The following SLC2A4 variants were observed in gnomAD, a reference collection of about 807,000 sequenced individuals.
SLC2A4 encodes the protein solute carrier family 2 member 4, also known as solute carrier family 2, facilitated glucose transporter member 4.
SLC2A4 carries 31 observed loss-of-function variants against 53.3 expected under a neutral mutation model. The observed-to-expected ratio is 0.58, with a 90% CI of 0.44 to 0.78. The LOEUF is 0.78. Among genes scored for constraint, SLC2A4 ranks in the 30% least tolerant of loss-of-function variants. SLC2A4 has a pLI of 0.00. For synonymous variants in SLC2A4, 276 were observed against 281.9 expected (o/e 0.98, Z 0.21); for missense variants, 538 against 655.7 (o/e 0.82, Z 1.96).
rs2072427867 is a variant in SLC2A4 at position 7,284,120 on chromosome 17, G to A, written c.564+31G>A. 3 of 1,611,344 alleles carry A rather than the reference G, an allele frequency of 1.9e-6. No homozygotes were observed. ...CGGAGCAAGCCTCATGGGTGCCTGG[G>A]CAGTGGTTAGAGTGGGGCTCTGGAG... On this transcript the variant is annotated intron_variant, in intron 5 of 10. Coordinates refer to ENST00000317370, the MANE Select transcript of SLC2A4 (RefSeq NM_001042.3). This position sits in a 1 kb window ranked among gnomAD's most constrained non-coding sequence, Gnocchi z 7.5.
At position 7,282,925 on chromosome 17, in the gene SLC2A4, G is replaced by C. The variant is rs2072414770; in HGVS notation, c.34-320G>C. 9.2e-5 allele frequency: 37 copies of C among 403,476 alleles called. 1 individual carries two copies. The highest frequency in any genetic ancestry group is 7.8e-4 in the South Asian group (37 of 47,210). 25.0% of individuals were successfully genotyped at this position (403,476 alleles called of 1,614,324 possible). On this transcript the variant is annotated intron_variant, in intron 1 of 10. Transcript: ENST00000317370. This position sits in a 1 kb window ranked among gnomAD's most constrained non-coding sequence, Gnocchi z 4.1. ...ACACTCAGGTTCGGGGCAGGGAAGT[G>C]ACTTGGCCAAGGTCACACAAATCTG...
At position 7,285,204 on chromosome 17, in the gene SLC2A4, C is replaced by T; in HGVS notation, c.1122+15C>T. On this transcript the variant is annotated intron_variant, in intron 9 of 10. Transcript: ENST00000317370. The surrounding 1 kb of genome is among the most constrained non-coding windows in gnomAD (Gnocchi z 6.0). ...TGCTCCTGCTGGTAAGGCCTGGAGG[C>T]TAGGAGGGGCTAGCAGCCCACCCCA... The T allele has an allele frequency of 6.4e-7, 1 of 1,572,072 alleles. No individual in the cohort carries two copies.
Position 7,286,620 on chromosome 17 carries a change from G to A in SLC2A4, c.1521G>A (p.Glu507=), listed in dbSNP as rs778934464. ...AACTTGAGTATTTAGGGCCAGATGA[G>A]AACGACTGAGGGGCCAGGCAGGGGT... ...STELEYLGPD[E]ND The change falls in exon 11 of 11, where the codon GAG becomes GAA. Residue 507 remains glutamate, a synonymous_variant. Coordinates refer to ENST00000317370, the MANE Select transcript of SLC2A4 (RefSeq NM_001042.3). The A allele has an allele frequency of 1.3e-5, 21 of 1,613,982 alleles. No individual in the cohort carries two copies. The Admixed American group carries it at 2.7e-4, about 20-fold the overall frequency.
Position 7,281,870 on chromosome 17 carries a change from CAG to C in SLC2A4, c.-61_-60del. On this transcript the variant is annotated 5_prime_UTR_variant, in exon 1 of 11. Coordinates refer to ENST00000317370, the MANE Select transcript of SLC2A4 (RefSeq NM_001042.3). ...CAGGTTCTGCGCTCCAGGCCGGAGT[CAG>C]AGACTCCAGGATCGGTTCTTTCATC... 1 of 1,538,144 alleles carries C rather than the reference CAG, an allele frequency of 6.5e-7. No homozygotes were observed. Among genetic ancestry groups the C allele is most frequent in the Non-Finnish European group, 8.8e-7 (1 of 1,130,574 alleles).
rs1207205925 is a variant in SLC2A4 at position 7,282,218 on chromosome 17, C to T, written c.33+251C>T. The T allele has an allele frequency of 3.2e-6, 2 of 623,942 alleles. No homozygotes were observed. Among genetic ancestry groups the T allele is most frequent in the African/African-American group, 1.8e-5 (1 of 55,652 alleles). 38.7% of individuals were successfully genotyped at this position (623,942 alleles called of 1,614,324 possible). A position where few individuals can be genotyped will look rare whatever the true frequency, so the allele number is the denominator to read the frequency against. Reference sequence around the variant, plus strand: ...GGATTCTGCGAGCCAGGGTTCACCCCCTTGCCTAGTAGGCGGCGCGGCGCT... The same window carrying T: ...GGATTCTGCGAGCCAGGGTTCACCCTCTTGCCTAGTAGGCGGCGCGGCGCT... On this transcript the variant is annotated intron_variant, in intron 1 of 10. Transcript: ENST00000317370. This position sits in a 1 kb window ranked among gnomAD's most constrained non-coding sequence, Gnocchi z 4.1.
In SLC2A4 at chr17:7,285,995, C is replaced by A; in HGVS notation, c.1326+87C>A. 7.9e-7 allele frequency: 1 copy of A among 1,264,050 alleles called. No individual in the cohort carries two copies. The highest frequency in any genetic ancestry group is 1.1e-6 in the Non-Finnish European group (1 of 897,726). 78.3% of individuals were successfully genotyped at this position (1,264,050 alleles called of 1,614,324 possible). ...CCACCTGCTTCCCCGTCAGGGACTCCTCCAGCCACAGACCATGGGTCTTTG... is the reference window on the plus strand; with the variant it reads ...CCACCTGCTTCCCCGTCAGGGACTCATCCAGCCACAGACCATGGGTCTTTG... On this transcript the variant is annotated intron_variant, in intron 10 of 10. Coordinates refer to ENST00000317370, the MANE Select transcript of SLC2A4 (RefSeq NM_001042.3). This position sits in a 1 kb window ranked among gnomAD's most constrained non-coding sequence, Gnocchi z 6.0.
chr17:7,284,842 A>G lies in SLC2A4; in HGVS notation c.923A>G (p.Tyr308Cys), dbSNP rs1239308088. ...CTTCTCCCCCACCTCTAGGTTTTCT[A>G]TTATTCGACCAGCATCTTCGAGACA... ...QQLSGINAVF[Y>C]YSTSIFETAG... Residue 308 changes from tyrosine to cysteine, a missense_variant, in exon 8 of 11, where the codon TAT (tyrosine) becomes TGT (cysteine). Transcript: ENST00000317370. The surrounding 1 kb of genome is among the most constrained non-coding windows in gnomAD (Gnocchi z 7.5). 1.9e-6 allele frequency: 3 copies of G among 1,614,088 alleles called. No individual in the cohort carries two copies. Among genetic ancestry groups the G allele is most frequent in the Non-Finnish European group, 8.5e-7 (1 of 1,180,004 alleles).
chr17:7,284,142 G>A lies in SLC2A4; in HGVS notation c.564+53G>A. 3 of 1,610,616 alleles carry A rather than the reference G, an allele frequency of 1.9e-6. No individual in the cohort carries two copies. The highest frequency in any genetic ancestry group is 1.7e-4 in the Middle Eastern group (1 of 6,058). On this transcript the variant is annotated intron_variant, in intron 5 of 10. Coordinates refer to ENST00000317370, the MANE Select transcript of SLC2A4 (RefSeq NM_001042.3). This position sits in a 1 kb window ranked among gnomAD's most constrained non-coding sequence, Gnocchi z 7.5. ...TGGGCAGTGGTTAGAGTGGGGCTCT[G>A]GAGAATATGGTGGGCTTCCAAGGTA...
Position 7,285,132 on chromosome 17 carries a change from G to T in SLC2A4, c.1065G>T (p.Leu355=), listed in dbSNP as rs1226277505. 1 of 1,604,644 alleles carries T rather than the reference G, an allele frequency of 6.2e-7. No individual in the cohort carries two copies. The highest frequency in any genetic ancestry group is 8.5e-7 in the Non-Finnish European group (1 of 1,177,194). The change falls in exon 9 of 11, where the codon CTG becomes CTT. Residue 355 remains leucine (L), a synonymous_variant. Coordinates refer to ENST00000317370, the MANE Select transcript of SLC2A4 (RefSeq NM_001042.3). This position sits in a 1 kb window ranked among gnomAD's most constrained non-coding sequence, Gnocchi z 6.0. The part of the protein sequence containing the change: ...ERAGRRTLHL[L]GLAGMCGCAI... ...CGGGGCGCCGGACGCTCCATCTCCT[G>T]GGCCTGGCGGGCATGTGTGGCTGTG...
rs556550629 is a variant in SLC2A4 at position 7,283,847 on chromosome 17, A to G, written c.433A>G (p.Ile145Val). ...AATGCTCATCCTTGGACGATTCCTCATTGGCGCCTACTCAGGTACTCACGG... is the reference window on the plus strand; with the variant it reads ...AATGCTCATCCTTGGACGATTCCTCGTTGGCGCCTACTCAGGTACTCACGG... ...YEMLILGRFL[I>V]GAYSGLTSGL... The change falls in exon 4 of 11, where the codon ATT becomes GTT. Residue 145 changes from isoleucine (I) to valine (V), a missense_variant. By Grantham distance (29) the Ile-to-Val change is conservative. Transcript: ENST00000317370. This position sits in a 1 kb window ranked among gnomAD's most constrained non-coding sequence, Gnocchi z 5.8. The G allele has an allele frequency of 2.5e-6, 4 of 1,614,076 alleles. No individual in the cohort carries two copies. Among genetic ancestry groups the G allele is most frequent in the Non-Finnish European group, 2.5e-6 (3 of 1,179,996 alleles).
In SLC2A4 at chr17:7,284,158, T is replaced by C. The variant is rs1047889495; in HGVS notation, c.565-59T>C. ...TGGGGCTCTGGAGAATATGGTGGGC[T>C]TCCAAGGTAAGGCAGAAGGGCTGAG... On this transcript the variant is annotated intron_variant, in intron 5 of 10. Transcript: ENST00000317370. The surrounding 1 kb of genome is among the most constrained non-coding windows in gnomAD (Gnocchi z 7.5). 1.2e-6 allele frequency: 2 copies of C among 1,611,240 alleles called. No homozygotes were observed. Among genetic ancestry groups the C allele is most frequent in the Non-Finnish European group, 1.7e-6 (2 of 1,179,010 alleles).
rs941874713 is a variant in SLC2A4, at chr17:7,287,951, C to T, written c.*1322C>T. 3 of 152,292 alleles carry T rather than the reference C, an allele frequency of 2.0e-5. No homozygotes were observed. The highest frequency in any genetic ancestry group is 7.2e-5 in the African/African-American group (3 of 41,470). 9.4% of individuals were successfully genotyped at this position (152,292 alleles called of 1,614,324 possible). On this transcript the variant is annotated 3_prime_UTR_variant, in exon 11 of 11. Coordinates refer to ENST00000317370, the MANE Select transcript of SLC2A4 (RefSeq NM_001042.3). ...CCTCAGAATCTTCTGGATGCCATTG[C>T]TCATGCCCCTACTCACATTTCTACT...
In SLC2A4 at chr17:7,286,429, G is replaced by A. The variant is rs145180015; in HGVS notation, c.1330G>A (p.Ala444Thr). The A allele has an allele frequency of 1.1e-5, 17 of 1,613,826 alleles. No individual in the cohort carries two copies. The highest frequency in any genetic ancestry group is 1.4e-5 in the Non-Finnish European group (16 of 1,179,904). The stretch of plus-strand genomic sequence containing the variant: ...CCTCTTTCTCCACCTGTCCCAGGAG[G>A]CTATGGGGCCCTACGTCTTCCTTCT... The part of the protein sequence containing the change: ...IGMGFQYVAE[A>T]MGPYVFLLFA... Residue 444 changes from alanine to threonine, a missense_variant, in exon 11 of 11, where the codon GCT becomes ACT. Ala to Thr is a moderately conservative substitution (Grantham distance 58, BLOSUM62 0). Transcript: ENST00000317370.
In SLC2A4 at chr17:7,281,858, C is replaced by T. The variant is rs1025169422; in HGVS notation, c.-77C>T. ...CCGCGGCCTCCGCAGGTTCTGCGCT[C>T]CAGGCCGGAGTCAGAGACTCCAGGA... On this transcript the variant is annotated 5_prime_UTR_variant, in exon 1 of 11. Coordinates refer to ENST00000317370, the MANE Select transcript of SLC2A4 (RefSeq NM_001042.3). 6.7e-7 allele frequency: 1 copy of T among 1,499,386 alleles called. No homozygotes were observed. The highest frequency in any genetic ancestry group is 9.1e-7 in the Non-Finnish European group (1 of 1,098,332). 92.9% of individuals were successfully genotyped at this position (1,499,386 alleles called of 1,614,324 possible). A position where few individuals can be genotyped will look rare whatever the true frequency, so the allele number is the denominator to read the frequency against.
At position 7,283,213 on chromosome 17, in the gene SLC2A4, G is replaced by A. The variant is rs367667985; in HGVS notation, c.34-32G>A. 1 of 1,562,802 alleles carries A rather than the reference G, an allele frequency of 6.4e-7. No homozygotes were observed. The highest frequency in any genetic ancestry group is 1.4e-5 in the African/African-American group (1 of 73,978). On this transcript the variant is annotated intron_variant, in intron 1 of 10. Coordinates refer to ENST00000317370, the MANE Select transcript of SLC2A4 (RefSeq NM_001042.3). The surrounding 1 kb of genome is among the most constrained non-coding windows in gnomAD (Gnocchi z 5.8). The stretch of plus-strand genomic sequence containing the variant: ...AAGGAAAAAAATCATGGTTCCATGT[G>A]ACATGCTGTGTCTTTGTGTCTGCCT...
chr17:7,284,329 G>GC lies in SLC2A4; in HGVS notation c.682dup (p.Arg228ProfsTer32). On this transcript the variant is annotated frameshift_variant, in exon 6 of 11. Transcript: ENST00000317370. LOFTEE classifies it high-confidence loss of function. The surrounding 1 kb of genome is among the most constrained non-coding windows in gnomAD (Gnocchi z 7.5). ...GTCCTGCTGCCCTTCTGTCCCGAGA[G>GC]CCCCCGCTACCTCTACATCATCCAG... The GC allele has an allele frequency of 1.9e-6, 3 of 1,614,120 alleles. No individual in the cohort carries two copies. Among genetic ancestry groups the GC allele is most frequent in the Non-Finnish European group, 2.5e-6 (3 of 1,180,038 alleles).
Position 7,285,263 on chromosome 17 carries a change from A to G in SLC2A4, c.1122+74A>G. 2.4e-6 allele frequency: 3 copies of G among 1,263,028 alleles called. No homozygotes were observed. The East Asian group carries it at 7.4e-5, about 31-fold the overall frequency. The allele number at this position is 1,263,028 out of a possible 1,614,324, so 78.2% of individuals were successfully genotyped here. A position where few individuals can be genotyped will look rare whatever the true frequency, so the allele number is the denominator to read the frequency against. On this transcript the variant is annotated intron_variant, in intron 9 of 10. Coordinates refer to ENST00000317370, the MANE Select transcript of SLC2A4 (RefSeq NM_001042.3). The surrounding 1 kb of genome is among the most constrained non-coding windows in gnomAD (Gnocchi z 6.0). ...GTCCTGTGAGTCTCTGTGACCAGCCAGGGTCCCTTCTTAACACACATGCTT... is the reference window on the plus strand; with the variant it reads ...GTCCTGTGAGTCTCTGTGACCAGCCGGGGTCCCTTCTTAACACACATGCTT...
Position 7,284,345 on chromosome 17 carries a change from C to T in SLC2A4, c.693C>T (p.Tyr231=). Residue 231 remains tyrosine, a synonymous_variant, in exon 6 of 11, where the codon TAC becomes TAT. Transcript: ENST00000317370. The surrounding 1 kb of genome is among the most constrained non-coding windows in gnomAD (Gnocchi z 7.5). Reference sequence around the variant, plus strand: ...GTCCCGAGAGCCCCCGCTACCTCTACATCATCCAGAATCTCGAGGGGCCTG... The same window carrying T: ...GTCCCGAGAGCCCCCGCTACCTCTATATCATCCAGAATCTCGAGGGGCCTG... ...PFCPESPRYL[Y]IIQNLEGPAR... 1 of 1,614,168 alleles carries T rather than the reference C, an allele frequency of 6.2e-7. No individual in the cohort carries two copies. Among genetic ancestry groups the T allele is most frequent in the South Asian group, 1.1e-5 (1 of 91,082 alleles).
Position 7,283,914 on chromosome 17 carries a change from C to T in SLC2A4, c.448+52C>T, listed in dbSNP as rs1206570575. The T allele has an allele frequency of 1.9e-6, 3 of 1,613,968 alleles. No homozygotes were observed. The highest frequency in any genetic ancestry group is 2.5e-6 in the Non-Finnish European group (3 of 1,179,852). On this transcript the variant is annotated intron_variant, in intron 4 of 10. Coordinates refer to ENST00000317370, the MANE Select transcript of SLC2A4 (RefSeq NM_001042.3). The surrounding 1 kb of genome is among the most constrained non-coding windows in gnomAD (Gnocchi z 5.8). ...TAGCGCCCTGTTCTCTTTCACCATG[C>T]CTGGGCTTTCAGATGGGAATGGACA...
Sources: gnomAD v4.1 joint callset for allele counts on GRCh38, gnomAD v4.1.1 for gene constraint, Gnocchi (gnomAD v3.1) non-coding constraint, MANE v1.5 for transcripts, NCBI Gene and HGNC (gene_info 2026-07-23, HGNC 2026-07-21) for gene names.